RPS6KC1: variants seen among roughly 807,000 people sequenced by gnomAD.
The protein encoded by RPS6KC1 is inactive ribosomal protein S6 kinase delta-1.
RPS6KC1 carries 54 observed loss-of-function variants against 103.8 expected under a neutral mutation model. The observed-to-expected ratio is 0.52, with a 90% confidence interval of 0.42 to 0.65. The LOEUF (loss-of-function observed/expected upper bound fraction) is 0.65. RPS6KC1 is among the 30% of genes least tolerant of loss of function. The pLI is 0.00. For synonymous variants in RPS6KC1, 439 were observed against 438.7 expected (o/e 1.00, Z -0.01); for missense variants, 1,151 against 1,253.8 (o/e 0.92, Z 1.24).
chr1:213,802,494 C>T, the RPS6KC1 span, among the ~76,000 whole-genome samples: 3,196 of 152,294 alleles, frequency 0.021, 98 homozygotes, highest in African/African-American at 0.07. Flanking sequence ...AATAGAGACA[C>T]ATCTTGCACT....
the RPS6KC1 span, among the ~76,000 whole-genome samples, chr1:213,411,967 A>G: frequency 6.6e-6 from 1 of 152,182 alleles, no homozygotes; most frequent in Non-Finnish European, 1.5e-5. Flanking sequence ...ACAGTGTATC[A>G]TATTGGCCTC....
At chr1:213,085,297 G>A (rs2148607634) in intron 3 of RPS6KC1, among the ~76,000 whole-genome samples, 1 of 152,144 alleles carries the variant, frequency 6.6e-6, no homozygotes, top group Non-Finnish European at 1.5e-5. Context: ...TCTCTTATAA[G>A]GACACTTGTG....
At chr1:213,234,036 G>T (rs1224666494) in intron 10 of RPS6KC1, among the ~76,000 whole-genome samples, 9 of 149,548 alleles carry the variant, frequency 6.0e-5, no homozygotes, top group Middle Eastern at 3.5e-3. Context: ...TTTTTGGTTG[G>T]GGGGTAGTTA....
intron 6 of RPS6KC1, among the ~76,000 whole-genome samples, chr1:213,159,551 A>G (rs935243718): frequency 1.3e-5 from 2 of 152,242 alleles, no homozygotes; most frequent in Non-Finnish European, 2.9e-5. Context: ...TAAAAAATGC[A>G]TTAGTTTGGC....
the RPS6KC1 span, among the ~76,000 whole-genome samples, chr1:213,528,844 G>A: frequency 6.6e-6 from 1 of 152,318 alleles, no homozygotes; most frequent in Non-Finnish European, 1.5e-5. Flanking sequence ...GTTTACTGAA[G>A]TGTAAAGGAA....
At chr1:213,540,611 A>G in the RPS6KC1 span, among the ~76,000 whole-genome samples, 3 of 152,162 alleles carry the variant, frequency 2.0e-5, no homozygotes, top group African/African-American at 7.2e-5. Flanking sequence ...TCAGCTTCCT[A>G]AAGTGTTGGG....
chr1:213,153,653 CTTACTA>C (rs1029426927), intron 6 of RPS6KC1, among the ~76,000 whole-genome samples: 4 of 152,170 alleles, frequency 2.6e-5, no homozygotes, highest in East Asian at 1.9e-4. Context: ...TTTCTGTGTA[CTTACTA>C]TTACTAGTGA....
chr1:213,833,515 AC>A, the RPS6KC1 span, among the ~76,000 whole-genome samples: 1 of 152,126 alleles, frequency 6.6e-6, no homozygotes, highest in African/African-American at 2.4e-5. Flanking sequence ...CCTCCCTGCC[AC>A]CTAGAAGAGT....
intron 7 of RPS6KC1, among the ~76,000 whole-genome samples, chr1:213,173,678 T>C (rs1200332540): frequency 1.3e-5 from 2 of 152,244 alleles, no homozygotes; most frequent in Admixed American, 6.5e-5. Context: ...ACACTAATGA[T>C]GTATCTATGT....
At chr1:213,415,611 G>A in the RPS6KC1 span, among the ~76,000 whole-genome samples, 1 of 152,236 alleles carries the variant, frequency 6.6e-6, no homozygotes, top group Non-Finnish European at 1.5e-5. Flanking sequence ...TCAGCCCAGG[G>A]CTTCCTCCTG....
the RPS6KC1 span, among the ~76,000 whole-genome samples, chr1:213,317,470 A>G: frequency 6.6e-6 from 1 of 152,208 alleles, no homozygotes; most frequent in African/African-American, 2.4e-5. Context: ...TTCACGTCTC[A>G]AGGACACAAA....
the RPS6KC1 span, among the ~76,000 whole-genome samples, chr1:213,516,141 G>A: frequency 6.6e-6 from 1 of 152,218 alleles, no homozygotes; most frequent in South Asian, 2.1e-4. Context: ...TGAGATGATG[G>A]GGTTTTCTAG....
At chr1:213,766,281 A>C in the RPS6KC1 span, among the ~76,000 whole-genome samples, 5 of 152,224 alleles carry the variant, frequency 3.3e-5, no homozygotes, top group African/African-American at 1.2e-4. Context: ...GTCCCAGAAG[A>C]AGGCAAAACT....
chr1:213,363,683 T>TCTC, the RPS6KC1 span, among the ~76,000 whole-genome samples: 1 of 88,822 alleles, frequency 1.1e-5, no homozygotes, highest in South Asian at 3.2e-4. Flanking sequence ...TCTTTCTTTC[T>TCTC]TTCTTTCTTT....
intron 3 of RPS6KC1, among the ~76,000 whole-genome samples, chr1:213,093,674 T>C (rs980242884): frequency 6.6e-6 from 1 of 152,214 alleles, no homozygotes; most frequent in African/African-American, 2.4e-5. Context: ...ACCCGTATCT[T>C]CTGTTAACTA....
chr1:213,685,261 G>T, the RPS6KC1 span, among the ~76,000 whole-genome samples: 9 of 152,126 alleles, frequency 5.9e-5, no homozygotes, highest in African/African-American at 1.9e-4. Context: ...TATAAGTCCT[G>T]CCTCTATCAC....
Position 213,230,498 on chromosome 1 carries a change from T to G in RPS6KC1, c.1046T>G (p.Val349Gly), listed in dbSNP as rs566838689. The change falls in exon 9 of 15, where the codon GTT becomes GGT. Residue 349 changes from valine (V) to glycine (G), a missense_variant and splice_region_variant. Physicochemically the swap from Val to Gly is moderately radical, Grantham distance 109. Around this residue, in one of 3 missense-constraint regions of RPS6KC1, gnomAD observed 959 missense variants for 1,006.3 expected, o/e 0.95. Transcript: ENST00000366960. ...TTATTACTCGTGTCTTTTATGTAGG[T>G]TTTACTTGTAATGGACACAAGGACA... ...AFRVLGVIDKVLLVMDTRTEQ... is the reference protein window; with the variant it reads ...AFRVLGVIDKGLLVMDTRTEQ... The G allele has an allele frequency of 6.3e-7, 1 of 1,598,152 alleles. No homozygotes were observed. Among genetic ancestry groups the G allele is most frequent in the South Asian group, 1.1e-5 (1 of 89,922 alleles).
the RPS6KC1 span, among the ~76,000 whole-genome samples, chr1:213,384,217 C>A: frequency 0.89 from 135,633 of 151,952 alleles, 60,616 homozygotes; most frequent in East Asian, 0.99. Context: ...TGGAGCTTGC[C>A]GTGAGCTGAG....
At chr1:213,175,763 TC>T in intron 7 of RPS6KC1, among the ~76,000 whole-genome samples, 1 of 152,344 alleles carries the variant, frequency 6.6e-6, no homozygotes, top group African/African-American at 2.4e-5. Flanking sequence ...AATTTCTTTC[TC>T]TTACAAATCA....
Sources: gnomAD v4.1 joint callset for allele counts (sites outside exome capture counted in the v4.1 genomes callset) on GRCh38, gnomAD v4.1.1 for gene constraint, gnomAD v4.1.1 regional missense constraint, MANE v1.5 for transcripts, NCBI Gene and HGNC (gene_info 2026-07-23, HGNC 2026-07-21) for gene names.